Variants in PTDSS1 observed in about 807,000 individuals in gnomAD.
The protein encoded by PTDSS1 is PSS-1.
Under a neutral mutation model 70.5 loss-of-function variants are expected in PTDSS1, and 45 were observed. The observed-to-expected ratio is 0.64, with a 90% CI of 0.50 to 0.82. PTDSS1 has a LOEUF of 0.82. PTDSS1 is among the 40% of genes least tolerant of loss of function. The pLI is 0.00. For synonymous variants in PTDSS1, 188 were observed against 203.8 expected, an observed-to-expected ratio of 0.92 and a Z score of 0.66; for missense variants, 417 against 586.1, an observed-to-expected ratio of 0.71 and a Z score of 2.98.
At chr8:96,314,121 T>C (rs1811251175) in intron 9 of PTDSS1, among the ~76,000 whole-genome samples, 2 of 152,116 alleles carry the variant, frequency 1.3e-5, no homozygotes, top group Admixed American at 6.6e-5. Context: ...CACAGCTCAC[T>C]GCAGCCTTGA....
At chr8:96,264,266 T>C (rs1400151114) in intron 1 of PTDSS1, among the ~76,000 whole-genome samples, 1 of 152,272 alleles carries the variant, frequency 6.6e-6, no homozygotes, top group East Asian at 1.9e-4. Context: ...TACATTAATC[T>C]GTCGGGATTA....
chr8:96,333,714 G>T lies in PTDSS1; in HGVS notation c.*148G>T. 2.5e-6 allele frequency: 2 copies of T among 806,860 alleles called. No individual in the cohort carries two copies. Among genetic ancestry groups the T allele is most frequent in the Non-Finnish European group, 4.2e-6 (2 of 474,120 alleles). The allele number at this position is 806,860 out of a possible 1,614,324, so 50.0% of individuals were successfully genotyped here. On this transcript the variant is annotated 3_prime_UTR_variant, in exon 13 of 13. Coordinates refer to ENST00000517309, the MANE Select transcript of PTDSS1 (RefSeq NM_014754.3). ...TGGGGGTCATTATTTGAGATCGTAA[G>T]TCTTGTTTCCCACAGACCTGGCCGC...
intron 5 of PTDSS1, among the ~76,000 whole-genome samples, chr8:96,299,453 C>T (rs1244000550): frequency 6.6e-6 from 1 of 152,056 alleles, no homozygotes; most frequent in Non-Finnish European, 1.5e-5. Context: ...TTTAAAAGCC[C>T]TGTGTCAAAA....
At chr8:96,292,427 G>T (rs550742141) in intron 4 of PTDSS1, among the ~76,000 whole-genome samples, 1 of 152,088 alleles carries the variant, frequency 6.6e-6, no homozygotes, top group Non-Finnish European at 1.5e-5. Context: ...AAGCACGATA[G>T]TTAAAAATGG....
intron 9 of PTDSS1, among the ~76,000 whole-genome samples, chr8:96,313,913 C>T (rs1811247320): frequency 6.6e-6 from 1 of 152,188 alleles, no homozygotes; most frequent in Non-Finnish European, 1.5e-5. Flanking sequence ...TCCTGTATTT[C>T]CTCTCACTTT....
intron 10 of PTDSS1, among the ~76,000 whole-genome samples, chr8:96,328,771 C>T (rs1462694223): frequency 6.6e-6 from 1 of 152,204 alleles, no homozygotes; most frequent in African/African-American, 2.4e-5. Context: ...CTGCAAGCTG[C>T]CATGATGAGA....
intron 1 of PTDSS1, among the ~76,000 whole-genome samples, chr8:96,263,392 G>A (rs1810440333): frequency 6.6e-6 from 1 of 150,580 alleles, no homozygotes; most frequent in African/African-American, 2.5e-5. Flanking sequence ...TTAGAGTAGA[G>A]TAGTTTTTGA....
At chr8:96,306,245 C>A (rs925020455) in intron 7 of PTDSS1, among the ~76,000 whole-genome samples, 199 bp from the exon 8 acceptor site, 2 of 152,228 alleles carry the variant, frequency 1.3e-5, no homozygotes, top group Non-Finnish European at 2.9e-5. Context: ...CCACCTCTCC[C>A]TGGGCCTCCA....
rs759975242 is a variant in PTDSS1 at position 96,273,440 on chromosome 8, G to T, written c.271+50G>T. On this transcript the variant is annotated intron_variant, in intron 2 of 12. Coordinates refer to ENST00000517309, the MANE Select transcript of PTDSS1 (RefSeq NM_014754.3). ...ATTTCTCCTATATTGTGCCTTTCTG[G>T]TTTTTTTGAGATGTGAGTCATCTAG... 2.4e-5 allele frequency: 33 copies of T among 1,401,434 alleles called. 1 individual carries two copies. In the Middle Eastern group the frequency reaches 4.7e-3, roughly 199 times the overall value. The allele number at this position is 1,401,434 out of a possible 1,614,324, so 86.8% of individuals were successfully genotyped here.
intron 9 of PTDSS1, among the ~76,000 whole-genome samples, chr8:96,318,227 A>T (rs138862722): frequency 0.017 from 2,538 of 152,030 alleles, 67 homozygotes; most frequent in African/African-American, 0.057. Flanking sequence ...CGGGAGGTTG[A>T]GGCAGTAGAA....
At position 96,335,807 on chromosome 8, in the gene PTDSS1, C is replaced by T. The variant is rs575443346; in HGVS notation, c.*2241C>T. 7.9e-5 allele frequency: 12 copies of T among 152,232 alleles called. No homozygotes were observed. Among genetic ancestry groups the T allele is most frequent in the African/African-American group, 2.9e-4 (12 of 41,544 alleles). The allele number at this position is 152,232 out of a possible 1,614,324, so 9.4% of individuals were successfully genotyped here. A position where few individuals can be genotyped will look rare whatever the true frequency, so the allele number is the denominator to read the frequency against. ...GCTGGGTTTGGCCTACTTTTTTCAC[C>T]GTTTCTATGGAAATAAACCTCACAT... On this transcript the variant is annotated 3_prime_UTR_variant, in exon 13 of 13. Transcript: ENST00000517309.
At chr8:96,263,674 G>A (rs1810446836) in intron 1 of PTDSS1, among the ~76,000 whole-genome samples, 1 of 152,180 alleles carries the variant, frequency 6.6e-6, no homozygotes, top group Admixed American at 6.5e-5. Context: ...TATATATTGG[G>A]TAGTCACAAG....
chr8:96,333,944 G>T lies in PTDSS1; in HGVS notation c.*378G>T. On this transcript the variant is annotated 3_prime_UTR_variant, in exon 13 of 13. Transcript: ENST00000517309. ...CTTCAGACGAGGCATTAACCCCATG[G>T]TTAATGGACTGGTCACCAGTTTTTA... 1 of 520,242 alleles carries T rather than the reference G, an allele frequency of 1.9e-6. No homozygotes were observed. The highest frequency in any genetic ancestry group is 3.4e-6 in the Non-Finnish European group (1 of 293,836). The allele number at this position is 520,242 out of a possible 1,614,324, so 32.2% of individuals were successfully genotyped here.
intron 2 of PTDSS1, among the ~76,000 whole-genome samples, chr8:96,278,237 A>T (rs756593852): frequency 1.3e-5 from 2 of 152,230 alleles, no homozygotes; most frequent in African/African-American, 4.8e-5. Flanking sequence ...CTTCTCAACC[A>T]GTTCCAAGGA....
At chr8:96,285,017 C>T (rs1340792174) in intron 3 of PTDSS1, among the ~76,000 whole-genome samples, 3 of 152,178 alleles carry the variant, frequency 2.0e-5, no homozygotes, top group African/African-American at 4.8e-5. Context: ...CAAGGAGCTG[C>T]CCTTCCACTT....
intron 9 of PTDSS1, among the ~76,000 whole-genome samples, chr8:96,319,663 G>A (rs937689559): frequency 1.3e-5 from 2 of 152,128 alleles, no homozygotes; most frequent in African/African-American, 4.8e-5. Context: ...TCTTGGAAGG[G>A]TCAAACTCAC....
chr8:96,263,174 G>A (rs1435135750), intron 1 of PTDSS1, among the ~76,000 whole-genome samples: 1 of 152,166 alleles, frequency 6.6e-6, no homozygotes, highest in Non-Finnish European at 1.5e-5. Flanking sequence ...CATAGGAGCT[G>A]CCCAGCCCAA....
chr8:96,270,249 A>C (rs758741773), intron 1 of PTDSS1, among the ~76,000 whole-genome samples: 7 of 152,160 alleles, frequency 4.6e-5, no homozygotes, highest in Non-Finnish European at 1.0e-4. Flanking sequence ...ATGCAAAGCC[A>C]CTAGAATATA....
intron 3 of PTDSS1, among the ~76,000 whole-genome samples, chr8:96,284,593 C>T (rs1810794852): frequency 6.6e-6 from 1 of 152,166 alleles, no homozygotes; most frequent in African/African-American, 2.4e-5. Flanking sequence ...AAGAGAAAGA[C>T]TTCTGACAAA....
Sources: allele counts gnomAD v4.1 joint callset (sites outside exome capture counted in the v4.1 genomes callset), GRCh38; gene constraint gnomAD v4.1.1; transcripts MANE v1.5; gene names NCBI Gene and HGNC (gene_info 2026-07-23, HGNC 2026-07-21).